Variants in PUDP observed in about 807,000 individuals in gnomAD.
The protein encoded by PUDP is pseudouridine 5'-phosphatase, also known as pseudouridine-5'-phosphatase.
Under a neutral mutation model 9.4 loss-of-function variants are expected in PUDP, and 8 were observed. That is an observed-to-expected ratio of 0.85 (90% CI 0.50 to 1.53). The LOEUF is 1.53. Ranked by LOEUF, PUDP falls within the 40% of genes most tolerant of loss-of-function variation. The pLI is 0.00. For synonymous variants in PUDP, 99 were observed against 80.7 expected (o/e 1.23, Z -1.22); for missense variants, 188 against 189.7 (o/e 0.99, Z 0.05).
At chrX:6,880,832 A>T (rs1927336367) in intron 3 of PUDP, among the ~76,000 whole-genome samples, 1 of 111,970 alleles carries the variant, frequency 8.9e-6, no homozygotes, top group Non-Finnish European at 1.9e-5. Flanking sequence ...TCATTCATTC[A>T]TCTGTTTATT....
intron 3 of PUDP, among the ~76,000 whole-genome samples, chrX:6,773,712 T>C (rs6639664): frequency 0.48 from 53,170 of 109,660 alleles, 10,003 homozygotes; most frequent in Non-Finnish European, 0.59. Context: ...CATTGTGCCA[T>C]GTCAGTTACC....
intron 1 of PUDP, among the ~76,000 whole-genome samples, chrX:7,039,453 T>G (rs765915048): frequency 9.0e-6 from 1 of 111,729 alleles, no homozygotes; most frequent in Non-Finnish European, 1.9e-5. Context: ...GATGGGTCAT[T>G]AAGGAGGAAA....
chrX:6,725,674 G>A (rs780582173), upstream of PUDP, among the ~76,000 whole-genome samples: 1 of 111,939 alleles, frequency 8.9e-6, no homozygotes, highest in Non-Finnish European at 1.9e-5. Flanking sequence ...GCTCAGCATC[G>A]CTAATCATCA....
chrX:6,912,602 C>T (rs760884965), intron 3 of PUDP, among the ~76,000 whole-genome samples: 1 of 111,940 alleles, frequency 8.9e-6, no homozygotes, highest in East Asian at 2.8e-4. Context: ...GCTCACACTT[C>T]CTGGTCAGCC....
chrX:6,858,606 C>A (rs1926949120), intron 3 of PUDP, among the ~76,000 whole-genome samples: 1 of 111,420 alleles, frequency 9.0e-6, no homozygotes, highest in Non-Finnish European at 1.9e-5. Context: ...AGATGTGAGC[C>A]CCAGGACCCA....
chrX:6,730,198 G>A (rs1924792653), intron 3 of PUDP, among the ~76,000 whole-genome samples: 1 of 111,869 alleles, frequency 8.9e-6, no homozygotes, highest in South Asian at 3.7e-4. Flanking sequence ...GGACAATTTG[G>A]TGAGGTCTGG....
intron 2 of PUDP, among the ~76,000 whole-genome samples, chrX:7,094,356 T>G (rs1931509166): frequency 4.7e-5 from 1 of 21,247 alleles, no homozygotes; most frequent in Admixed American, 4.9e-4. Context: ...TAAGCTGATT[T>G]TTTTTTTTTT....
intron 1 of PUDP, among the ~76,000 whole-genome samples, chrX:7,005,081 G>C (rs1929382643): frequency 9.0e-6 from 1 of 111,590 alleles, no homozygotes; most frequent in African/African-American, 3.3e-5. Flanking sequence ...GGAACTCACA[G>C]TCTTGTGGGG....
At chrX:6,755,068 A>G (rs1419745091) in intron 3 of PUDP, among the ~76,000 whole-genome samples, 8 of 111,694 alleles carry the variant, frequency 7.2e-5, no homozygotes, top group Non-Finnish European at 9.4e-5. Context: ...GGGACATCTG[A>G]TGTCCCTTCT....
chrX:6,712,434 G>GCCA (rs1449595977), intron 1 of PUDP, among the ~76,000 whole-genome samples: 1 of 112,171 alleles, frequency 8.9e-6, no homozygotes, highest in Non-Finnish European at 1.9e-5. Context: ...GCAGGCATGA[G>GCCA]CCACCACGCC....
At chrX:7,089,257 G>C (rs957086316) in intron 2 of PUDP, among the ~76,000 whole-genome samples, 4 of 111,758 alleles carry the variant, frequency 3.6e-5, no homozygotes, top group African/African-American at 1.3e-4. Flanking sequence ...TGGTGTTTAA[G>C]AGTTGTTGTC....
At chrX:6,981,465 G>C (rs755522569) in intron 1 of PUDP, among the ~76,000 whole-genome samples, 1 of 111,110 alleles carries the variant, frequency 9.0e-6, no homozygotes, top group Non-Finnish European at 1.9e-5. Context: ...TGAAACAGCC[G>C]ATATAGCATT....
intron 3 of PUDP, among the ~76,000 whole-genome samples, chrX:6,788,133 G>A (rs1468395144): frequency 8.9e-6 from 1 of 111,958 alleles, no homozygotes; most frequent in African/African-American, 3.2e-5. Context: ...GTGCAAAAGC[G>A]AGATGCATTC....
At chrX:7,116,346 G>C (rs1227320550) in intron 1 of PUDP, among the ~76,000 whole-genome samples, 1 of 111,787 alleles carries the variant, frequency 8.9e-6, no homozygotes, top group Non-Finnish European at 1.9e-5. Flanking sequence ...CCTTAAAGGA[G>C]ATAAGTCATT....
Position 6,894,862 on chromosome X carries a change from G to A in PUDP, c.*247+82271C>T, listed in dbSNP as rs1175074901. 2.7e-5 allele frequency among the ~76,000 whole-genome samples: 3 copies of A among 111,980 alleles called. No homozygotes were observed. The East Asian group carries it at 8.3e-4, about 31-fold the overall frequency. ...TTTCTTTGTTTCTAAATCTATTTAT[G>A]TGGGAAGTCTTGAGATAGCATACAA... On this transcript the variant is annotated intron_variant and NMD_transcript_variant, in intron 3 of 3. Coordinates refer to the PUDP transcript ENST00000655425.
chrX:7,137,885 T>G (rs976177649), intron 1 of PUDP, among the ~76,000 whole-genome samples: 2 of 112,175 alleles, frequency 1.8e-5, no homozygotes, highest in Non-Finnish European at 3.8e-5. Context: ...ACTTCTAACT[T>G]GTATCTCAGG....
At chrX:6,737,590 G>T (rs762547392) in intron 3 of PUDP, among the ~76,000 whole-genome samples, 1 of 109,487 alleles carries the variant, frequency 9.1e-6, no homozygotes, top group South Asian at 4.2e-4. Context: ...GAGTGGCCAT[G>T]GATGAGGGAG....
chrX:6,812,483 C>T (rs1039464857), intron 3 of PUDP, among the ~76,000 whole-genome samples: 10 of 111,830 alleles, frequency 8.9e-5, no homozygotes, highest in Admixed American at 9.5e-5. Context: ...TTTCTCCATG[C>T]CTTGGGCAGT....
chrX:6,727,602 A>G (rs769980492), intron 3 of PUDP, among the ~76,000 whole-genome samples: 31 of 111,681 alleles, frequency 2.8e-4, no homozygotes, highest in African/African-American at 1.0e-3. Context: ...CATATTTGAG[A>G]AGGAGGAACA....
Sources: allele counts gnomAD v4.1 joint callset (sites outside exome capture counted in the v4.1 genomes callset), GRCh38; gene constraint gnomAD v4.1.1; transcripts MANE v1.5; gene names NCBI Gene and HGNC (gene_info 2026-07-23, HGNC 2026-07-21).